Variants in CABLES1 observed in about 807,000 individuals in gnomAD.
CABLES1 encodes the protein CDK5 and ABL1 enzyme substrate 1.
CABLES1 carries 36 observed loss-of-function variants against 57.8 expected under a neutral mutation model. The ratio of observed to expected loss-of-function variants is 0.62; its 90% CI spans 0.48 to 0.82. CABLES1 has a LOEUF of 0.82. Among genes scored for constraint, CABLES1 ranks in the 40% least tolerant of loss-of-function variants. The probability of loss-of-function intolerance (pLI) is 0.00; values close to 1 mark genes in which losing one functional copy is unlikely to be tolerated. For missense variants in CABLES1, 767 were observed against 836.6 expected (o/e 0.92, Z 1.03); for synonymous variants, 374 against 363.0 (o/e 1.03, Z -0.35).
chr18:23,155,943 A>AT (rs1430346293), intron 1 of CABLES1: 1 of 1,614,058 alleles, frequency 6.2e-7, no homozygotes, highest in South Asian at 1.1e-5. Context: ...ATATATGCTG[A>AT]TTTTCCCATG....
chr18:23,168,498 G>T (rs978611182), intron 1 of CABLES1, among the ~76,000 whole-genome samples: 1 of 152,222 alleles, frequency 6.6e-6, no homozygotes, highest in Non-Finnish European at 1.5e-5. Flanking sequence ...TAGGTGCAGA[G>T]TTTCAGCCTG....
In CABLES1 at chr18:23,256,642, G is replaced by A. The variant is rs551602232; in HGVS notation, c.1762-585G>A. ...ATTACAGGCGCCCACCGCCACGCCC[G>A]GCTCATTTTTGTTATTTTTAGTAGA... is the stretch of plus-strand genomic sequence containing the variant. On this transcript the variant is annotated intron_variant, in intron 9 of 9. Coordinates refer to ENST00000256925, the MANE Select transcript of CABLES1 (RefSeq NM_001100619.3). Among the ~76,000 whole-genome samples, 36 of 151,924 alleles carry A rather than the reference G, an allele frequency of 2.4e-4. 1 individual carries two copies. The East Asian group carries it at 5.2e-3, about 22-fold the overall frequency.
chr18:23,216,518 A>G (rs1409801945), intron 4 of CABLES1, among the ~76,000 whole-genome samples: 1 of 152,162 alleles, frequency 6.6e-6, no homozygotes, highest in African/African-American at 2.4e-5. Context: ...GCTAGGGCCC[A>G]CTCAGCAAGG....
At chr18:23,251,384 G>A (rs1054175456) in intron 7 of CABLES1, among the ~76,000 whole-genome samples, 6 of 152,184 alleles carry the variant, frequency 3.9e-5, no homozygotes, top group Admixed American at 6.5e-5. Flanking sequence ...CCAAGAGGCG[G>A]AGGTTGCAGT....
At chr18:23,145,804 C>T (rs546656254) in intron 1 of CABLES1, among the ~76,000 whole-genome samples, 17 of 152,298 alleles carry the variant, frequency 1.1e-4, no homozygotes, top group South Asian at 2.1e-4. Flanking sequence ...TGGATGGCTA[C>T]GCACTAGATC....
chr18:23,156,078 G>C, intron 1 of CABLES1: 1 of 1,146,196 alleles, frequency 8.7e-7, no homozygotes. Flanking sequence ...AAAGCGGGAT[G>C]TCAGTCCTGA....
intron 4 of CABLES1, among the ~76,000 whole-genome samples, chr18:23,230,614 T>C (rs1290288067): frequency 2.0e-5 from 3 of 152,204 alleles, no homozygotes; most frequent in Non-Finnish European, 4.4e-5. Flanking sequence ...TGATATTTAT[T>C]ACTGTATCAG....
intron 4 of CABLES1, among the ~76,000 whole-genome samples, chr18:23,223,175 A>G (rs2145066305): frequency 6.6e-6 from 1 of 152,306 alleles, no homozygotes; most frequent in East Asian, 1.9e-4. Context: ...GTCCTCTACC[A>G]ACTCAGGTTG....
chr18:23,170,336 A>C (rs2047073476), intron 1 of CABLES1, among the ~76,000 whole-genome samples: 1 of 152,162 alleles, frequency 6.6e-6, no homozygotes, highest in Non-Finnish European at 1.5e-5. Context: ...GTCCTTCCTA[A>C]GAGCCTTCGT....
intron 2 of CABLES1, chr18:23,190,662 C>T (rs1005920176): frequency 9.2e-5 from 14 of 152,146 alleles, no homozygotes; most frequent in African/African-American, 3.1e-4. Flanking sequence ...CTTGTACCAG[C>T]GTTCACAGAA....
intron 1 of CABLES1, among the ~76,000 whole-genome samples, chr18:23,187,315 A>AAGGGT (rs2047209787): frequency 2.0e-5 from 3 of 152,242 alleles, no homozygotes; most frequent in Non-Finnish European, 4.4e-5. Flanking sequence ...TGGTTCACAC[A>AAGGGT]CATTGATGAG....
In CABLES1 at chr18:23,237,258, G is replaced by T; in HGVS notation, c.1446+13G>T. The T allele has an allele frequency of 3.2e-6, 5 of 1,559,266 alleles. No homozygotes were observed. Among genetic ancestry groups the T allele is most frequent in the Non-Finnish European group, 3.5e-6 (4 of 1,129,942 alleles). ...CCCTTCCTACATGGTGAGTAGCGTGGAATGGAGGCTCCGTTTGCTGCACCG... is the reference window on the plus strand; with the variant it reads ...CCCTTCCTACATGGTGAGTAGCGTGTAATGGAGGCTCCGTTTGCTGCACCG... On this transcript the variant is annotated intron_variant, in intron 7 of 9. Coordinates refer to ENST00000256925, the MANE Select transcript of CABLES1 (RefSeq NM_001100619.3).
At chr18:23,147,817 C>T (rs757863182) in intron 1 of CABLES1, among the ~76,000 whole-genome samples, 15 of 152,144 alleles carry the variant, frequency 9.9e-5, no homozygotes, top group Non-Finnish European at 1.9e-4. Flanking sequence ...CACACCCAGG[C>T]CCAGGAAGAC....
chr18:23,250,463 A>G (rs931397034), intron 7 of CABLES1, among the ~76,000 whole-genome samples: 6 of 152,182 alleles, frequency 3.9e-5, no homozygotes, highest in South Asian at 2.1e-4. Context: ...TCTACTGCCT[A>G]TTTCCAAAAT....
chr18:23,223,606 G>C (rs543936504), intron 4 of CABLES1, among the ~76,000 whole-genome samples: 2 of 150,570 alleles, frequency 1.3e-5, no homozygotes, highest in Admixed American at 6.6e-5. Flanking sequence ...AAAAGTTGGC[G>C]GGGGGGCATT....
At chr18:23,160,753 G>C (rs2046998049) in intron 1 of CABLES1, among the ~76,000 whole-genome samples, 1 of 152,182 alleles carries the variant, frequency 6.6e-6, no homozygotes, top group South Asian at 2.1e-4. Flanking sequence ...TCAAAAACAG[G>C]CTGGGTATGG....
At chr18:23,174,821 C>CATATAT (rs569579022) in intron 1 of CABLES1, among the ~76,000 whole-genome samples, 2,485 of 94,354 alleles carry the variant, frequency 0.026, 61 homozygotes, top group Non-Finnish European at 0.032. Context: ...CATGTTACAC[C>CATATAT]ATATATATAT....
chr18:23,234,249 A>C (rs753128323), intron 4 of CABLES1, among the ~76,000 whole-genome samples: 4 of 152,130 alleles, frequency 2.6e-5, no homozygotes, highest in Non-Finnish European at 5.9e-5. Flanking sequence ...AGAAAGAAAG[A>C]ACCCAGCAGC....
chr18:23,200,433 T>C (rs1431875263), intron 3 of CABLES1, among the ~76,000 whole-genome samples: 2 of 152,142 alleles, frequency 1.3e-5, no homozygotes, highest in Non-Finnish European at 2.9e-5. Flanking sequence ...CTAATTTTTT[T>C]ATACTTTTTT....
Sources: allele counts gnomAD v4.1 joint callset (sites outside exome capture counted in the v4.1 genomes callset), GRCh38; gene constraint gnomAD v4.1.1; transcripts MANE v1.5; gene names NCBI Gene and HGNC (gene_info 2026-07-23, HGNC 2026-07-21).